C6orf163: variants seen among roughly 807,000 people sequenced by gnomAD.
C6orf163 encodes the protein uncharacterized protein C6orf163.
A neutral mutation model predicts 28.4 loss-of-function variants in C6orf163; 22 were observed. The observed-to-expected ratio is 0.78, with a 90% CI of 0.55 to 1.11. The LOEUF is 1.11. Among genes scored for constraint, C6orf163 ranks in the 50% least tolerant of loss-of-function variants. C6orf163 has a pLI of 0.00. For synonymous variants in C6orf163, 110 were observed against 123.6 expected, an observed-to-expected ratio of 0.89 and a Z score of 0.73; for missense variants, 342 against 389.1, an observed-to-expected ratio of 0.88 and a Z score of 1.02.
intron 1 of C6orf163, among the ~76,000 whole-genome samples, chr6:87,345,774 A>G (rs527864512): frequency 1.3e-5 from 2 of 152,054 alleles, no homozygotes; most frequent in South Asian, 4.2e-4. Context: ...AAATTTAAGC[A>G]GGCATGGTGG....
At chr6:87,349,659 G>T (rs190801169) in intron 2 of C6orf163, among the ~76,000 whole-genome samples, 3 of 152,164 alleles carry the variant, frequency 2.0e-5, no homozygotes, top group Non-Finnish European at 2.9e-5. Context: ...ATAGCAAATA[G>T]TATTAGCATT....
At chr6:87,356,274 C>T in intron 3 of C6orf163, 27 bp from the exon 4 acceptor site, 1 of 1,542,976 alleles carries the variant, frequency 6.5e-7, no homozygotes, top group South Asian at 1.2e-5. Context: ...TCTGTAATAG[C>T]TAAACCTAGT....
chr6:87,348,738 A>G, intron 1 of C6orf163, 74 bp from the exon 2 acceptor site: 1 of 1,512,504 alleles, frequency 6.6e-7, no homozygotes, highest in Non-Finnish European at 8.8e-7. Context: ...CTCATAAATA[A>G]CTAGATAATG....
intron 2 of C6orf163, 42 bp downstream of exon 2, chr6:87,348,948 T>C: frequency 6.5e-7 from 1 of 1,532,466 alleles, no homozygotes; most frequent in Non-Finnish European, 8.7e-7. Flanking sequence ...ATCTTTACCG[T>C]TCTTTCACAT....
At chr6:87,353,213 T>A (rs898859589) in intron 3 of C6orf163, among the ~76,000 whole-genome samples, 12 of 152,156 alleles carry the variant, frequency 7.9e-5, no homozygotes, top group Non-Finnish European at 1.6e-4. Context: ...ATTATCTGAA[T>A]ACCTACTTCA....
intron 4 of C6orf163, among the ~76,000 whole-genome samples, chr6:87,360,681 G>A (rs1464568479): frequency 1.3e-5 from 2 of 152,186 alleles, no homozygotes; most frequent in South Asian, 2.1e-4. Context: ...GATTACAGGC[G>A]TGAGCCACCA....
chr6:87,346,250 A>ATT (rs1013764709), intron 1 of C6orf163, among the ~76,000 whole-genome samples: 4 of 152,186 alleles, frequency 2.6e-5, no homozygotes, highest in Admixed American at 6.5e-5. Context: ...AAAATATAAG[A>ATT]AGCTGGAGAG....
Position 87,350,423 on chromosome 6 carries a change from G to C in C6orf163, c.273G>C (p.Glu91Asp). The change falls in exon 3 of 5, where the codon GAG (glutamate) becomes GAC (aspartate). Residue 91 changes from glutamate (E) to aspartate (D), a missense_variant. By Grantham distance (45) the Glu-to-Asp change is conservative (BLOSUM62 2). Transcript: ENST00000388923. ...QANERQKQAV[E>D]KALEEANDRH... is the part of the protein sequence containing the mutation. ...ATGAACGTCAAAAACAAGCAGTGGA[G>C]AAAGCACTTGAAGAAGCAAATGACA... 1 of 1,534,970 alleles carries C rather than the reference G, an allele frequency of 6.5e-7. No homozygotes were observed. Among genetic ancestry groups the C allele is most frequent in the Non-Finnish European group, 8.7e-7 (1 of 1,145,764 alleles).
intron 4 of C6orf163, chr6:87,359,138 A>G (rs1052574016): frequency 1.3e-5 from 2 of 152,276 alleles, no homozygotes; most frequent in Admixed American, 1.3e-4. Context: ...CAAATAGCAC[A>G]TAGGTGCTGC....
At chr6:87,347,362 T>C (rs533320798) in intron 1 of C6orf163, 1 of 980,390 alleles carries the variant, frequency 1.0e-6, no homozygotes, top group East Asian at 1.1e-4. Context: ...CAATCAGGGT[T>C]GAGAACAACT....
chr6:87,356,565 C>T (rs1389669839), intron 4 of C6orf163, 62 bp downstream of exon 4: 7 of 1,472,954 alleles, frequency 4.8e-6, no homozygotes, highest in Non-Finnish European at 5.6e-6. Context: ...CCTGGAGAAA[C>T]AGATAAGGTT....
At chr6:87,346,037 G>C (rs191150953) in intron 1 of C6orf163, among the ~76,000 whole-genome samples, 3 of 122,730 alleles carry the variant, frequency 2.4e-5, no homozygotes, top group East Asian at 4.7e-4. Flanking sequence ...ACATGAGGAC[G>C]TTTACTGTAC....
At chr6:87,364,867 C>T in intron 4 of C6orf163, 94 bp from the exon 5 acceptor site, 2 of 966,524 alleles carry the variant, frequency 2.1e-6, no homozygotes, top group Non-Finnish European at 3.0e-6. Context: ...TGGCTCATCT[C>T]AACAATTGCT....
In C6orf163 at chr6:87,356,323, C is replaced by CA; in HGVS notation, c.375dup (p.Glu126ArgfsTer8). ...CAGGAAGTGACAGCTAAAACTAAGACAGAGATGTATCAAAACATGGATGAC... is the reference window on the plus strand; with the variant it reads ...CAGGAAGTGACAGCTAAAACTAAGACAAGAGATGTATCAAAACATGGATGAC... On this transcript the variant is annotated frameshift_variant, in exon 4 of 5. Transcript: ENST00000388923. LOFTEE classifies it high-confidence loss of function. 1 of 1,551,666 alleles carries CA rather than the reference C, an allele frequency of 6.4e-7. No homozygotes were observed. Among genetic ancestry groups the CA allele is most frequent in the Non-Finnish European group, 8.7e-7 (1 of 1,146,990 alleles).
chr6:87,364,836 T>TA, intron 4 of C6orf163, 125 bp from the exon 5 acceptor site: 1 of 697,044 alleles, frequency 1.4e-6, no homozygotes, highest in South Asian at 2.0e-5. Context: ...AGCTCATCCG[T>TA]ATCAGCCTGT....
chr6:87,363,079 A>C (rs1334966929), intron 4 of C6orf163, among the ~76,000 whole-genome samples: 2 of 152,204 alleles, frequency 1.3e-5, no homozygotes, highest in Non-Finnish European at 2.9e-5. Flanking sequence ...GAGCACAGTA[A>C]TGGAACCACA....
chr6:87,361,688 C>G (rs1452124429), intron 4 of C6orf163, among the ~76,000 whole-genome samples: 3 of 152,198 alleles, frequency 2.0e-5, no homozygotes, highest in African/African-American at 7.2e-5. Flanking sequence ...ACTGCCCACT[C>G]TATACACAGC....
At chr6:87,352,177 A>G (rs1352642167) in intron 3 of C6orf163, among the ~76,000 whole-genome samples, 16 of 152,230 alleles carry the variant, frequency 1.1e-4, no homozygotes. Context: ...TTATGAAGGA[A>G]TGATTTGTCT....
In C6orf163 at chr6:87,364,989, G is replaced by A; in HGVS notation, c.583G>A (p.Gly195Ser). The change falls in exon 5 of 5, where the codon GGT becomes AGT. Residue 195 changes from glycine (G) to serine (S), a missense_variant. Gly to Ser is a moderately conservative substitution (Grantham distance 56). Coordinates refer to ENST00000388923, the MANE Select transcript of C6orf163 (RefSeq NM_001010868.3). The part of the protein sequence containing the change: ...SKAVEEIVNT[G>S]VTVIKDEKTS... ...AGCCGTGGAGGAAATTGTGAATACTGGTGTCACAGTTATTAAGGATGAGAA... is the reference window on the plus strand; with the variant it reads ...AGCCGTGGAGGAAATTGTGAATACTAGTGTCACAGTTATTAAGGATGAGAA... The A allele has an allele frequency of 6.5e-7, 1 of 1,550,074 alleles. No individual in the cohort carries two copies. Among genetic ancestry groups the A allele is most frequent in the Non-Finnish European group, 8.7e-7 (1 of 1,145,878 alleles).
Sources: allele counts gnomAD v4.1 joint callset (sites outside exome capture counted in the v4.1 genomes callset), GRCh38; gene constraint gnomAD v4.1.1; transcripts MANE v1.5; gene names NCBI Gene and HGNC (gene_info 2026-07-23, HGNC 2026-07-21).